Variants in JAK1 observed in about 807,000 individuals in gnomAD.
JAK1 encodes tyrosine-protein kinase JAK1.
A neutral mutation model predicts 136.6 loss-of-function variants in JAK1; 16 were observed. The observed-to-expected ratio is 0.12, with a 90% CI of 0.08 to 0.18. The LOEUF is 0.18. Among genes scored for constraint, JAK1 ranks in the 10% least tolerant of loss-of-function variants. JAK1 has a pLI of 1.00. For synonymous variants in JAK1, 492 were observed against 519.5 expected, an observed-to-expected ratio of 0.95 and a Z score of 0.72; for missense variants, 859 against 1,450.1, an observed-to-expected ratio of 0.59 and a Z score of 6.62.
At chr1:64,958,577 T>C (rs1646231589) in intron 1 of JAK1, among the ~76,000 whole-genome samples, 1 of 152,240 alleles carries the variant, frequency 6.6e-6, no homozygotes, top group Admixed American at 6.5e-5. Flanking sequence ...ATATATTGCA[T>C]CTGTCCGCAT....
chr1:64,954,278 A>C (rs937826205), intron 1 of JAK1, among the ~76,000 whole-genome samples: 1 of 152,220 alleles, frequency 6.6e-6, no homozygotes. Context: ...AATGATGCCA[A>C]TAAGATCCAA....
At chr1:64,951,749 C>T (rs1232132468) in intron 1 of JAK1, among the ~76,000 whole-genome samples, 4 of 149,114 alleles carry the variant, frequency 2.7e-5, no homozygotes, top group African/African-American at 1.0e-4. Context: ...AGCTCCACCT[C>T]CCGGGTTCAC....
chr1:64,986,947 GTTGA>G (rs944368739), intron 2 of JAK1, among the ~76,000 whole-genome samples: 2 of 152,076 alleles, frequency 1.3e-5, no homozygotes, highest in Non-Finnish European at 1.5e-5. Flanking sequence ...TCTTTATAAA[GTTGA>G]TTATTATTTT....
chr1:65,059,316 T>C (rs897899210), intron 1 of JAK1, among the ~76,000 whole-genome samples: 6 of 152,212 alleles, frequency 3.9e-5, no homozygotes, highest in Admixed American at 1.3e-4. Flanking sequence ...AACAAAAGGA[T>C]TTCTAAAAAC....
chr1:65,030,604 CTCACTGCA>C (rs1647014412), intron 2 of JAK1, among the ~76,000 whole-genome samples: 5 of 151,838 alleles, frequency 3.3e-5, no homozygotes, highest in Admixed American at 3.3e-4. Flanking sequence ...GCGATCTCTG[CTCACTGCA>C]ACCTCCACCT....
rs139372954 is a variant in JAK1, at chr1:64,840,258, G to A, written c.2650-463C>T. Reference sequence around the variant, plus strand: ...GTGGCCAAGTCCCCAAATCGGAGCTGGCTCCTGATGCACTCGCTGCATACA... The same window carrying A: ...GTGGCCAAGTCCCCAAATCGGAGCTAGCTCCTGATGCACTCGCTGCATACA... On this transcript the variant is annotated intron_variant, in intron 19 of 24. Transcript: ENST00000342505. Among the ~76,000 whole-genome samples, 41 of 152,288 alleles carry A rather than the reference G, an allele frequency of 2.7e-4. 1 individual carries two copies. The highest frequency in any genetic ancestry group is 9.6e-4 in the African/African-American group (40 of 41,560).
chr1:64,944,082 T>C (rs1328963458), intron 1 of JAK1, among the ~76,000 whole-genome samples: 1 of 150,946 alleles, frequency 6.6e-6, no homozygotes, highest in Admixed American at 6.6e-5. Context: ...ATTAGCCGGG[T>C]GTGGTGGCAG....
chr1:65,031,980 T>G (rs1371761561), intron 2 of JAK1, among the ~76,000 whole-genome samples: 1 of 145,660 alleles, frequency 6.9e-6, no homozygotes, highest in Admixed American at 7.1e-5. Context: ...TTTTTTTTTC[T>G]TGTGAGATGG....
At chr1:65,047,702 G>C (rs1325244560) in intron 1 of JAK1, among the ~76,000 whole-genome samples, 2 of 151,426 alleles carry the variant, frequency 1.3e-5, no homozygotes, top group East Asian at 1.9e-4. Context: ...CCGGGCAACA[G>C]AGCGAGACTT....
At chr1:64,879,447 T>C (rs1437239368) in intron 3 of JAK1, among the ~76,000 whole-genome samples, 1 of 152,162 alleles carries the variant, frequency 6.6e-6, no homozygotes, top group Non-Finnish European at 1.5e-5. Context: ...CACAGAGCCT[T>C]ATCAAATCCA....
intron 10 of JAK1, 37 bp from the exon 11 acceptor site, chr1:64,855,735 T>A: frequency 6.3e-7 from 1 of 1,586,610 alleles, no homozygotes; most frequent in Non-Finnish European, 8.6e-7. Context: ...ATGTTTAAAA[T>A]GGGGTCAGGC....
intron 2 of JAK1, among the ~76,000 whole-genome samples, chr1:65,011,315 A>C (rs576607183): frequency 1.3e-5 from 2 of 152,152 alleles, no homozygotes; most frequent in East Asian, 3.9e-4. Flanking sequence ...ATCTCTACAA[A>C]AAATGGAAAA....
At chr1:65,006,549 G>A (rs573832807) in intron 2 of JAK1, among the ~76,000 whole-genome samples, 91 of 152,038 alleles carry the variant, frequency 6.0e-4, no homozygotes, top group African/African-American at 2.0e-3. Flanking sequence ...GTAGAGATGG[G>A]GTCTTGCTGT....
At chr1:65,037,591 A>G (rs1478221426) in intron 2 of JAK1, among the ~76,000 whole-genome samples, 1 of 152,218 alleles carries the variant, frequency 6.6e-6, no homozygotes, top group East Asian at 1.9e-4. Context: ...TTCTAGTGAT[A>G]ATGAGCTCTC....
At chr1:64,999,324 T>A (rs1193837845) in intron 2 of JAK1, among the ~76,000 whole-genome samples, 1 of 152,202 alleles carries the variant, frequency 6.6e-6, no homozygotes, top group Non-Finnish European at 1.5e-5. Flanking sequence ...TTCATTTATT[T>A]GAACACATAC....
intron 1 of JAK1, among the ~76,000 whole-genome samples, chr1:64,898,625 T>C (rs1017285942): frequency 6.6e-6 from 1 of 152,198 alleles, no homozygotes; most frequent in South Asian, 2.1e-4. Context: ...TTTTGACCCA[T>C]TTCCATCTCA....
intron 1 of JAK1, among the ~76,000 whole-genome samples, chr1:64,912,175 G>A (rs1033268468): frequency 6.6e-6 from 1 of 152,080 alleles, no homozygotes; most frequent in African/African-American, 2.4e-5. Context: ...CAGGGTCTCC[G>A]AGGCTGGAAC....
intron 1 of JAK1, among the ~76,000 whole-genome samples, chr1:64,921,630 C>T (rs1244928577): frequency 2.0e-5 from 3 of 152,068 alleles, no homozygotes; most frequent in African/African-American, 7.2e-5. Flanking sequence ...TCATCTAAAA[C>T]CAAAAACTGA....
chr1:65,019,821 C>T (rs1284600956), intron 2 of JAK1, among the ~76,000 whole-genome samples: 1 of 151,872 alleles, frequency 6.6e-6, no homozygotes, highest in African/African-American at 2.4e-5. Flanking sequence ...GAGGCTAAAG[C>T]AGGAGAATTG....
Sources: gnomAD v4.1 joint callset for allele counts (sites outside exome capture counted in the v4.1 genomes callset) on GRCh38, gnomAD v4.1.1 for gene constraint, MANE v1.5 for transcripts, NCBI Gene and HGNC (gene_info 2026-07-23, HGNC 2026-07-21) for gene names.